FRMD4A: variants seen among roughly 807,000 people sequenced by gnomAD.
FRMD4A encodes FERM domain-containing protein 4A.
A neutral mutation model predicts 129.1 loss-of-function variants in FRMD4A; 29 were observed. The observed-to-expected ratio is 0.22, with a 90% CI of 0.17 to 0.31. The LOEUF (loss-of-function observed/expected upper bound fraction) is 0.31. Among genes scored for constraint, FRMD4A ranks in the 10% least tolerant of loss-of-function variants. The pLI is 1.00. For missense variants in FRMD4A, 1,272 were observed against 1,375.8 expected (o/e 0.92, Z 1.19); for synonymous variants, 634 against 571.6 (o/e 1.11, Z -1.56).
intron 2 of FRMD4A, among the ~76,000 whole-genome samples, chr10:13,870,503 G>A (rs899423353): frequency 3.3e-5 from 5 of 152,294 alleles, no homozygotes; most frequent in Admixed American, 1.3e-4. Flanking sequence ...AAAGCCCATC[G>A]CTGTGGTCTC....
chr10:13,712,587 A>C (rs2088136657), intron 12 of FRMD4A, among the ~76,000 whole-genome samples: 1 of 151,906 alleles, frequency 6.6e-6, no homozygotes, highest in Non-Finnish European at 1.5e-5. Flanking sequence ...AACTTAGAGG[A>C]AACCACCAAG....
At chr10:13,651,722 A>G in intron 24 of FRMD4A, 181 bp downstream of exon 24, 1 of 608,776 alleles carries the variant, frequency 1.6e-6, no homozygotes, top group East Asian at 2.8e-5. Flanking sequence ...TGTTAGGAAT[A>G]TCATAATTTT....
At chr10:14,159,843 A>G (rs138458623) in intron 2 of FRMD4A, among the ~76,000 whole-genome samples, 1 of 152,232 alleles carries the variant, frequency 6.6e-6, no homozygotes, top group African/African-American at 2.4e-5. Context: ...TGAGCTGAGG[A>G]TTTTGAGACC....
At position 13,902,456 on chromosome 10, in the gene FRMD4A, G is replaced by GGAGAGAGAGAGAGAGAGAGA. The variant is rs140040052; in HGVS notation, c.46-43564_46-43545dup. Among the ~76,000 whole-genome samples the GGAGAGAGAGAGAGAGAGAGA allele has an allele frequency of 7.0e-3, 895 of 127,662 alleles. 35 individuals are homozygous for GGAGAGAGAGAGAGAGAGAGA. Among genetic ancestry groups the GGAGAGAGAGAGAGAGAGAGA allele is most frequent in the Non-Finnish European group, 8.9e-3 (549 of 61,672 alleles). The allele number at this position is 127,662 out of a possible 152,430, so 83.8% of individuals were successfully genotyped here. Reference sequence around the variant, plus strand: ...GAAATTGATGGTTAGGCAAAATACTGGAGAGAGAGAGAGAGAGAGAGAGAG... The same window carrying GGAGAGAGAGAGAGAGAGAGA: ...GAAATTGATGGTTAGGCAAAATACTGGAGAGAGAGAGAGAGAGAGAGAGAGAGAGAGAGAGAGAGAGAGAG... On this transcript the variant is annotated intron_variant, in intron 2 of 24. Transcript: ENST00000357447.
At chr10:14,191,167 C>T (rs903586062) in intron 2 of FRMD4A, among the ~76,000 whole-genome samples, 1 of 152,186 alleles carries the variant, frequency 6.6e-6, no homozygotes, top group African/African-American at 2.4e-5. Context: ...TCAGTTTCAG[C>T]TTTTCAGCAA....
intron 2 of FRMD4A, among the ~76,000 whole-genome samples, chr10:13,941,113 C>T (rs2095288592): frequency 6.6e-6 from 1 of 152,120 alleles, no homozygotes; most frequent in Admixed American, 6.6e-5. Flanking sequence ...GGCTGTGTCC[C>T]CACCCAAATC....
chr10:14,207,938 C>T (rs1842832441), intron 2 of FRMD4A, among the ~76,000 whole-genome samples: 2 of 152,158 alleles, frequency 1.3e-5, no homozygotes, highest in Non-Finnish European at 2.9e-5. Context: ...CAGTAACTCA[C>T]ACCTGTAATC....
intron 2 of FRMD4A, among the ~76,000 whole-genome samples, chr10:13,898,251 T>C (rs575817596): frequency 6.3e-4 from 96 of 152,084 alleles, no homozygotes; most frequent in Non-Finnish European, 1.1e-3. Flanking sequence ...GGCGTGCCTG[T>C]AGTCCCAGCT....
chr10:13,832,325 G>A (rs1405769482), intron 3 of FRMD4A, among the ~76,000 whole-genome samples: 1 of 152,180 alleles, frequency 6.6e-6, no homozygotes. Flanking sequence ...GCCCTCTTAG[G>A]ATTCCTTCCT....
chr10:14,315,400 C>T lies in FRMD4A; in HGVS notation c.45+14658G>A, dbSNP rs149004836. Among the ~76,000 whole-genome samples the T allele has an allele frequency of 1.9e-3, 287 of 152,258 alleles. 1 individual carries two copies. Among genetic ancestry groups the T allele is most frequent in the African/African-American group, 6.5e-3 (270 of 41,552 alleles). ...TTTCTTCTGTGATCTCCACCTTCTT[C>T]CTCACCCAACATAAAGATCTGAGGT... On this transcript the variant is annotated intron_variant, in intron 2 of 24. Transcript: ENST00000357447.
At chr10:13,684,970 A>AAAGGTTAGAATT in intron 15 of FRMD4A, 1 of 984,234 alleles carries the variant, frequency 1.0e-6, no homozygotes, top group Non-Finnish European at 1.2e-6. Context: ...AATATGAGGA[A>AAAGGTTAGAATT]AAGGTTAGAA....
chr10:14,151,824 T>C (rs1840353562), intron 2 of FRMD4A, among the ~76,000 whole-genome samples: 1 of 152,174 alleles, frequency 6.6e-6, no homozygotes, highest in Admixed American at 6.5e-5. Context: ...TTTTCTCTCC[T>C]TTGTTTTTAA....
intron 2 of FRMD4A, among the ~76,000 whole-genome samples, chr10:14,149,868 A>G (rs901129022): frequency 6.6e-6 from 1 of 152,048 alleles, no homozygotes; most frequent in Non-Finnish European, 1.5e-5. Flanking sequence ...GTCCATTCTC[A>G]CGTTGCTATA....
intron 2 of FRMD4A, among the ~76,000 whole-genome samples, chr10:13,927,365 T>G (rs145793117): frequency 2.3e-3 from 346 of 152,348 alleles, no homozygotes; most frequent in Admixed American, 4.1e-3. Context: ...AATAGAAATG[T>G]TTTCTAGAAC....
chr10:13,810,923 C>A lies in FRMD4A; in HGVS notation c.112-15G>T, dbSNP rs761996007. The A allele has an allele frequency of 2.2e-5, 31 of 1,397,022 alleles. No homozygotes were observed. The East Asian group carries it at 2.8e-4, about 12-fold the overall frequency. 86.5% of individuals were successfully genotyped at this position (1,397,022 alleles called of 1,614,324 possible). ...AACAGCTTGGGCTGCAAGAAGAATACAATGGAAGAAGGGTAAGTGATGAGA... is the reference window on the plus strand; with the variant it reads ...AACAGCTTGGGCTGCAAGAAGAATAAAATGGAAGAAGGGTAAGTGATGAGA... On this transcript the variant is annotated splice_polypyrimidine_tract_variant and intron_variant, in intron 3 of 24. Coordinates refer to ENST00000357447, the MANE Select transcript of FRMD4A (RefSeq NM_018027.5).
chr10:14,085,359 A>T (rs1463342470), intron 2 of FRMD4A, among the ~76,000 whole-genome samples: 1 of 152,172 alleles, frequency 6.6e-6, no homozygotes, highest in African/African-American at 2.4e-5. Flanking sequence ...GGTTTCCACG[A>T]GCCGATGGAT....
intron 2 of FRMD4A, among the ~76,000 whole-genome samples, chr10:14,223,775 GAGAGAGAA>G (rs113019189): frequency 0.021 from 2,898 of 140,648 alleles, 131 homozygotes; most frequent in Middle Eastern, 0.041. Context: ...GAGAGAGAGA[GAGAGAGAA>G]AGAGAGAATA....
At chr10:13,696,427 G>A (rs944905258) in intron 14 of FRMD4A, among the ~76,000 whole-genome samples, 37 of 152,176 alleles carry the variant, frequency 2.4e-4, no homozygotes, top group African/African-American at 8.2e-4. Flanking sequence ...TGGGTGAAGG[G>A]TCTGGGCTCT....
intron 2 of FRMD4A, among the ~76,000 whole-genome samples, chr10:14,147,811 G>A (rs1840151620): frequency 6.6e-6 from 1 of 152,064 alleles, no homozygotes; most frequent in South Asian, 2.1e-4. Context: ...CAGGGGTTAG[G>A]GACCCCTGCT....
Sources: gnomAD v4.1 joint callset for allele counts (sites outside exome capture counted in the v4.1 genomes callset) on GRCh38, gnomAD v4.1.1 for gene constraint, MANE v1.5 for transcripts, NCBI Gene and HGNC (gene_info 2026-07-23, HGNC 2026-07-21) for gene names.